Variants in PRKN observed in about 807,000 individuals in gnomAD.
The protein encoded by PRKN is parkin RBR E3 ubiquitin protein ligase, also known as E3 ubiquitin-protein ligase parkin.
In PRKN, 56 loss-of-function variants were observed where a neutral mutation model predicts 59.5. That is an observed-to-expected ratio of 0.94 (90% CI 0.76 to 1.18). The LOEUF (loss-of-function observed/expected upper bound fraction) is 1.18. Among genes scored for constraint, PRKN ranks in the 50% most tolerant of loss-of-function variants. The pLI, the probability that PRKN is intolerant of heterozygous loss-of-function variation, is 0.00. For synonymous variants in PRKN, 250 were observed against 222.1 expected (o/e 1.13, Z -1.12); for missense variants, 657 against 596.4 (o/e 1.10, Z -1.06).
intron 4 of PRKN, among the ~76,000 whole-genome samples, chr6:162,179,968 C>CTGTGTGTGTGTG (rs61592555): frequency 0.018 from 2,499 of 139,612 alleles, 40 homozygotes; most frequent in South Asian, 0.034. Context: ...TATCTTATTA[C>CTGTGTGTGTGTG]TGTGTGTGTG....
chr6:162,133,818 T>C lies in PRKN; in HGVS notation c.534+67313A>G, dbSNP rs185262540. ...TCATGAAAGAAAATGACCATGTCAT[T>C]TGGGGATGTGAGGATTCTTGGAGTC... On this transcript the variant is annotated intron_variant, in intron 4 of 11. Transcript: ENST00000366898. Among the ~76,000 whole-genome samples the C allele has an allele frequency of 3.3e-5, 5 of 151,958 alleles. No individual in the cohort carries two copies. In the East Asian group the frequency reaches 9.7e-4, roughly 30 times the overall value.
intron 2 of PRKN, among the ~76,000 whole-genome samples, chr6:162,282,344 A>C (rs1780945169): frequency 6.6e-6 from 1 of 151,878 alleles, no homozygotes; most frequent in South Asian, 2.1e-4. Flanking sequence ...AAAAATCCAC[A>C]CCCTCTCAGA....
Position 161,543,855 on chromosome 6 carries a change from T to C in PRKN, c.1083+4999A>G, listed in dbSNP as rs75173074. 8.8e-3 allele frequency among the ~76,000 whole-genome samples: 1,340 copies of C among 152,322 alleles called. 14 individuals carry two copies. Among genetic ancestry groups the C allele is most frequent in the African/African-American group, 0.029 (1,219 of 41,570 alleles). On this transcript the variant is annotated intron_variant, in intron 9 of 11. Coordinates refer to ENST00000366898, the MANE Select transcript of PRKN (RefSeq NM_004562.3). ...TTCCCAGGTCAGTGAGTATAATGTA[T>C]TCCATATTTTGTTGCTGTTTTCCAG...
chr6:162,438,974 T>C (rs1789916325), intron 2 of PRKN, among the ~76,000 whole-genome samples: 1 of 152,182 alleles, frequency 6.6e-6, no homozygotes, highest in Non-Finnish European at 1.5e-5. Context: ...CCTTTTTTCT[T>C]TTTCCAGCCT....
At chr6:161,384,017 T>A (rs1786119028) in intron 10 of PRKN, among the ~76,000 whole-genome samples, 1 of 152,166 alleles carries the variant, frequency 6.6e-6, no homozygotes, top group Non-Finnish European at 1.5e-5. Context: ...AAGAGCCTCA[T>A]CTCCTGGGGG....
chr6:162,586,895 C>T (rs1197037076), intron 1 of PRKN, among the ~76,000 whole-genome samples: 1 of 152,082 alleles, frequency 6.6e-6, no homozygotes, highest in East Asian at 1.9e-4. Flanking sequence ...TGACCGAGTG[C>T]CTTACATGCC....
chr6:162,183,996 C>T (rs1161034785), intron 4 of PRKN, among the ~76,000 whole-genome samples: 1 of 152,206 alleles, frequency 6.6e-6, no homozygotes, highest in Admixed American at 6.5e-5. Context: ...GCAGCAGCCT[C>T]TAGTTGCAAC....
chr6:162,185,130 T>C (rs191225753), intron 4 of PRKN, among the ~76,000 whole-genome samples: 1 of 152,296 alleles, frequency 6.6e-6, no homozygotes, highest in Non-Finnish European at 1.5e-5. Context: ...TATTATTTAG[T>C]ACATATTTCA....
intron 1 of PRKN, among the ~76,000 whole-genome samples, chr6:162,717,292 T>C (rs1266738334): frequency 1.3e-5 from 2 of 152,090 alleles, no homozygotes; most frequent in Admixed American, 6.6e-5. Flanking sequence ...TTAGTCACTT[T>C]GGGGCTGGGC....
chr6:161,888,186 C>T (rs1228031864), intron 6 of PRKN, among the ~76,000 whole-genome samples: 1 of 152,074 alleles, frequency 6.6e-6, no homozygotes, highest in Non-Finnish European at 1.5e-5. Context: ...ATATCATGTT[C>T]CAGTAGGCAG....
chr6:162,052,969 A>G (rs765114738), intron 5 of PRKN, among the ~76,000 whole-genome samples: 2 of 152,150 alleles, frequency 1.3e-5, no homozygotes, highest in Non-Finnish European at 2.9e-5. Flanking sequence ...GTATACATGT[A>G]AACGTATGTA....
At chr6:161,865,671 C>T (rs968655167) in intron 6 of PRKN, among the ~76,000 whole-genome samples, 1 of 152,216 alleles carries the variant, frequency 6.6e-6, no homozygotes, top group Non-Finnish European at 1.5e-5. Context: ...AACTTTCTCA[C>T]CTCTCTCAGC....
At chr6:161,635,218 T>C (rs2128156260) in intron 7 of PRKN, among the ~76,000 whole-genome samples, 1 of 152,308 alleles carries the variant, frequency 6.6e-6, no homozygotes, top group East Asian at 1.9e-4. Flanking sequence ...TTCCTTATGC[T>C]GTAAATAAGG....
At chr6:161,472,138 A>G (rs770377645) in intron 9 of PRKN, among the ~76,000 whole-genome samples, 1 of 152,162 alleles carries the variant, frequency 6.6e-6, no homozygotes. Flanking sequence ...ACTGAAGGAT[A>G]AGCCCTTCAC....
intron 2 of PRKN, among the ~76,000 whole-genome samples, chr6:162,412,499 T>C (rs925839797): frequency 2.0e-5 from 3 of 151,858 alleles, no homozygotes; most frequent in Non-Finnish European, 2.9e-5. Context: ...CAACACGGGG[T>C]AAGGGCTACT....
rs1779795417 is a variant in PRKN at position 161,546,384 on chromosome 6, C to A, written c.1083+2470G>T. 6.6e-6 allele frequency among the ~76,000 whole-genome samples: 1 copy of A among 152,058 alleles called. No homozygotes were observed. Among genetic ancestry groups the A allele is most frequent in the African/African-American group, 2.4e-5 (1 of 41,400 alleles). On this transcript the variant is annotated intron_variant, in intron 9 of 11. Coordinates refer to ENST00000366898, the MANE Select transcript of PRKN (RefSeq NM_004562.3). The surrounding 1 kb of genome is among the most constrained non-coding windows in gnomAD (Gnocchi z 4.4). The stretch of plus-strand genomic sequence containing the variant: ...CCCTTTTTAAATCACTGTGGAATTC[C>A]TTTAGCATTCAAGTTAGGTGAATAT...
chr6:161,609,336 T>G (rs995039004), intron 7 of PRKN, among the ~76,000 whole-genome samples: 3 of 152,214 alleles, frequency 2.0e-5, no homozygotes, highest in Non-Finnish European at 4.4e-5. Flanking sequence ...TCTGAGAAAT[T>G]TGAAGTGATA....
intron 7 of PRKN, among the ~76,000 whole-genome samples, chr6:161,573,929 C>A (rs1028290247): frequency 3.3e-5 from 5 of 150,888 alleles, no homozygotes; most frequent in African/African-American, 1.2e-4. Context: ...TTTAAATTAG[C>A]TTATCTTCAG....
rs547290281 is a variant in PRKN at position 162,068,737 on chromosome 6, T to A, written c.535-14563A>T. ...TCAGGGGAAGTCTTAGATAACATAA[T>A]TGGCACGGTCAGGGAAATCAAATCA... is the stretch of plus-strand genomic sequence containing the variant. On this transcript the variant is annotated intron_variant, in intron 4 of 11. Transcript: ENST00000366898. Among the ~76,000 whole-genome samples, 10 of 151,968 alleles carry A rather than the reference T, an allele frequency of 6.6e-5. No individual in the cohort carries two copies. The East Asian group carries it at 1.8e-3, about 27-fold the overall frequency.
Sources: allele counts gnomAD v4.1 joint callset (sites outside exome capture counted in the v4.1 genomes callset), GRCh38; gene constraint gnomAD v4.1.1; non-coding constraint Gnocchi (gnomAD v3.1); transcripts MANE v1.5; gene names NCBI Gene and HGNC (gene_info 2026-07-23, HGNC 2026-07-21).